ERCC1: variants seen among roughly 807,000 people sequenced by gnomAD.
The protein encoded by ERCC1 is DNA excision repair protein ERCC-1.
In ERCC1, 36 loss-of-function variants were observed where a neutral mutation model predicts 37.6. The observed-to-expected ratio is 0.96, with a 90% CI of 0.73 to 1.26. The LOEUF (loss-of-function observed/expected upper bound fraction) is 1.26, where lower values mean the gene tolerates loss of function less well. ERCC1 is among the 50% of genes most tolerant of loss of function. The pLI, the probability that ERCC1 is intolerant of heterozygous loss-of-function variation, is 0.00. For missense variants in ERCC1, 349 were observed against 376.5 expected, an observed-to-expected ratio of 0.93 and a Z score of 0.60; for synonymous variants, 156 against 162.1, an observed-to-expected ratio of 0.96 and a Z score of 0.28.
At chr19:45,447,027 C>G (rs1311952563) in intron 1 of ERCC1, among the ~76,000 whole-genome samples, 2 of 151,948 alleles carry the variant, frequency 1.3e-5, no homozygotes, top group African/African-American at 2.4e-5. Flanking sequence ...AAAGTAGGAG[C>G]CAGATGGGGA....
chr19:45,415,605 C>T (rs1051058959), intron 6 of ERCC1, among the ~76,000 whole-genome samples: 1 of 135,894 alleles, frequency 7.4e-6, no homozygotes, highest in African/African-American at 2.8e-5. Context: ...CACTGCACTC[C>T]AGCCTGGGCG....
At chr19:45,449,721 T>G (rs1299341481) in intron 1 of ERCC1, among the ~76,000 whole-genome samples, 1 of 151,288 alleles carries the variant, frequency 6.6e-6, no homozygotes, top group Non-Finnish European at 1.5e-5. Context: ...TCCCAGCACT[T>G]TAGGAGGCCG....
At chr19:45,414,727 C>T in intron 7 of ERCC1, 134 bp downstream of exon 7, 1 of 691,974 alleles carries the variant, frequency 1.4e-6, no homozygotes, top group Non-Finnish European at 2.6e-6. Context: ...CCTCTAGCTG[C>T]AGTTTCGGTG....
In ERCC1 at chr19:45,420,370, T is replaced by G. The variant is rs1454858754; in HGVS notation, c.379A>C (p.Ile127Leu). 6.2e-7 allele frequency: 1 copy of G among 1,613,874 alleles called. No individual in the cohort carries two copies. The highest frequency in any genetic ancestry group is 1.1e-5 in the South Asian group (1 of 91,012). The change falls in exon 4 of 10, where the codon ATT (isoleucine) becomes CTT (leucine). Residue 127 changes from isoleucine to leucine, a missense_variant. Coordinates refer to ENST00000300853, the MANE Select transcript of ERCC1 (RefSeq NM_001983.4). The surrounding 1 kb of genome is among the most constrained non-coding windows in gnomAD (Gnocchi z 4.8). ...CTCTGGCCCAGCACATAGTCGGGAA[T>G]TACGTCGCCAAATTCCCAGGGCACA... is the stretch of plus-strand genomic sequence containing the variant. ...RNVPWEFGDV[I>L]PDYVLGQSTC...
chr19:45,411,242 T>C (rs2123452607), intron 9 of ERCC1, among the ~76,000 whole-genome samples: 1 of 152,356 alleles, frequency 6.6e-6, no homozygotes, highest in African/African-American at 2.4e-5. Flanking sequence ...ATGTGAACTG[T>C]GCTGCAACAA....
At chr19:45,438,287 C>T (rs1302802203) in intron 1 of ERCC1, among the ~76,000 whole-genome samples, 4 of 152,094 alleles carry the variant, frequency 2.6e-5, no homozygotes, top group African/African-American at 9.7e-5. Context: ...AGATTAGTCT[C>T]CAACTCCTGG....
chr19:45,440,681 G>A (rs1206399178), intron 1 of ERCC1, among the ~76,000 whole-genome samples: 1 of 152,160 alleles, frequency 6.6e-6, no homozygotes, highest in Non-Finnish European at 1.5e-5. Context: ...TTAGGGCTCA[G>A]CCTTGAGCCG....
At chr19:45,438,276 C>T (rs1975033580) in intron 1 of ERCC1, among the ~76,000 whole-genome samples, 1 of 152,018 alleles carries the variant, frequency 6.6e-6, no homozygotes, top group African/African-American at 2.4e-5. Context: ...CTACATTGCC[C>T]AGATTAGTCT....
Position 45,421,618 on chromosome 19 carries a change from C to G in ERCC1, c.106-225G>C, listed in dbSNP as rs962740542. Among the ~76,000 whole-genome samples, 10 of 151,524 alleles carry G rather than the reference C, an allele frequency of 6.6e-5. No homozygotes were observed. In the South Asian group the frequency reaches 1.7e-3, roughly 25 times the overall value. Reference sequence around the variant, plus strand: ...AGTAGCTGGGATTACAGGTGCCCACCACCACGCCCAGCTAATTTTTTTTTT... The same window carrying G: ...AGTAGCTGGGATTACAGGTGCCCACGACCACGCCCAGCTAATTTTTTTTTT... On this transcript the variant is annotated intron_variant, in intron 2 of 9. Transcript: ENST00000300853.
At position 45,408,051 on chromosome 19, in the gene ERCC1, CA is replaced by C; in HGVS notation, c.*1623del. ...CCTAGGCAACAGAGCAAGACTCTCT[CA>C]AAAAAAAACAAAAAAAAAATCAAAA... On this transcript the variant is annotated 3_prime_UTR_variant, in exon 10 of 10. Transcript: ENST00000300853. The C allele has an allele frequency of 2.0e-5, 28 of 1,399,024 alleles. No homozygotes were observed. Among genetic ancestry groups the C allele is most frequent in the South Asian group, 4.3e-5 (3 of 69,810 alleles). 86.7% of individuals were successfully genotyped at this position (1,399,024 alleles called of 1,614,324 possible). A position where few individuals can be genotyped will look rare whatever the true frequency, so the allele number is the denominator to read the frequency against.
At chr19:45,440,023 C>G (rs1386026484) in intron 1 of ERCC1, among the ~76,000 whole-genome samples, 1 of 152,122 alleles carries the variant, frequency 6.6e-6, no homozygotes, top group East Asian at 1.9e-4. Flanking sequence ...GAAGGGGGAG[C>G]GCGCGGGGGG....
chr19:45,449,538 T>C (rs959171385), intron 1 of ERCC1, among the ~76,000 whole-genome samples: 14 of 152,172 alleles, frequency 9.2e-5, no homozygotes, highest in African/African-American at 3.4e-4. Context: ...AATTAGCCAG[T>C]GCCTATAGTC....
chr19:45,409,804 GTTCT>G (rs1320077095), intron 9 of ERCC1, 79 bp from the exon 10 acceptor site: 15 of 720,512 alleles, frequency 2.1e-5, no homozygotes, highest in East Asian at 5.2e-5. Context: ...TGGGGTTTTG[GTTCT>G]TTATTTTCCC....
chr19:45,430,933 A>G (rs1007739666), intron 1 of ERCC1, among the ~76,000 whole-genome samples: 4 of 151,984 alleles, frequency 2.6e-5, no homozygotes, highest in African/African-American at 9.7e-5. Context: ...AATAATATTG[A>G]CATAATATAT....
chr19:45,412,183 A>G (rs1973784518), intron 9 of ERCC1, among the ~76,000 whole-genome samples: 1 of 136,502 alleles, frequency 7.3e-6, no homozygotes, highest in African/African-American at 2.8e-5. Context: ...TTTGAGATGG[A>G]GTTTTGCTTC....
upstream of ERCC1, among the ~76,000 whole-genome samples, chr19:45,425,977 C>G (rs1205933995): frequency 6.6e-6 from 1 of 151,136 alleles, no homozygotes; most frequent in African/African-American, 2.4e-5. Context: ...GGCATGGTGG[C>G]TAATGTCTGT....
intron 1 of ERCC1, among the ~76,000 whole-genome samples, chr19:45,447,863 C>T (rs1966996664): frequency 6.7e-6 from 1 of 150,274 alleles, no homozygotes; most frequent in African/African-American, 2.4e-5. Context: ...CTCTGGGCTT[C>T]TTTCTCTGAG....
chr19:45,416,731 G>A, intron 6 of ERCC1, 90 bp downstream of exon 6: 1 of 947,084 alleles, frequency 1.1e-6, no homozygotes, highest in Non-Finnish European at 1.7e-6. Context: ...CACACAGGAA[G>A]GAGAAGGGAA....
chr19:45,451,487 G>C (rs1038538813), intron 1 of ERCC1, among the ~76,000 whole-genome samples: 14 of 152,028 alleles, frequency 9.2e-5, no homozygotes, highest in Admixed American at 1.3e-4. Flanking sequence ...TGTCTTTCTC[G>C]AGCCTCTTTC....
Sources: gnomAD v4.1 joint callset for allele counts (sites outside exome capture counted in the v4.1 genomes callset) on GRCh38, gnomAD v4.1.1 for gene constraint, Gnocchi (gnomAD v3.1) non-coding constraint, MANE v1.5 for transcripts, NCBI Gene and HGNC (gene_info 2026-07-23, HGNC 2026-07-21) for gene names.